The following AGPAT3 variants were observed in gnomAD, a reference collection of about 807,000 sequenced individuals.
AGPAT3 encodes the protein 1-acylglycerol-3-phosphate O-acyltransferase 3, also known as 1-acyl-sn-glycerol-3-phosphate acyltransferase gamma.
A neutral mutation model predicts 47.3 loss-of-function variants in AGPAT3; 5 were observed. That is an observed-to-expected ratio of 0.11 (90% CI 0.06 to 0.22). AGPAT3 has a LOEUF of 0.22. AGPAT3 is among the 10% of genes least tolerant of loss of function. The probability of loss-of-function intolerance (pLI) is 1.00; values close to 1 mark genes in which losing one functional copy is unlikely to be tolerated. For synonymous variants in AGPAT3, 212 were observed against 208.3 expected, an observed-to-expected ratio of 1.02 and a Z score of -0.15; for missense variants, 315 against 493.0, an observed-to-expected ratio of 0.64 and a Z score of 3.42.
intron 2 of AGPAT3, among the ~76,000 whole-genome samples, chr21:43,931,117 C>A (rs956750192): frequency 6.6e-6 from 1 of 152,062 alleles, no homozygotes; most frequent in African/African-American, 2.4e-5. Context: ...TGTCCAGACC[C>A]GGGGTCAGGG....
intron 2 of AGPAT3, among the ~76,000 whole-genome samples, chr21:43,937,416 G>T (rs1431550715): frequency 6.6e-6 from 1 of 152,210 alleles, no homozygotes; most frequent in Non-Finnish European, 1.5e-5. Context: ...CAAGGCCCCT[G>T]ACTATATCTG....
At chr21:43,943,152 G>T (rs2087726175) in intron 2 of AGPAT3, among the ~76,000 whole-genome samples, 1 of 152,126 alleles carries the variant, frequency 6.6e-6, no homozygotes, top group Non-Finnish European at 1.5e-5. Context: ...TCAGCTCACT[G>T]CAAGCTCCGT....
At chr21:43,909,588 A>T (rs2086586015) in intron 2 of AGPAT3, among the ~76,000 whole-genome samples, 1 of 152,102 alleles carries the variant, frequency 6.6e-6, no homozygotes, top group South Asian at 2.1e-4. Context: ...GAGCCACTGT[A>T]CCCGGCCTTT....
chr21:43,938,149 C>T (rs1251068957), intron 2 of AGPAT3, among the ~76,000 whole-genome samples: 2 of 151,894 alleles, frequency 1.3e-5, no homozygotes, highest in Non-Finnish European at 2.9e-5. Context: ...CACTCACACT[C>T]ACTGTTGGGT....
In AGPAT3 at chr21:43,985,784, C is replaced by T. The variant is rs1435902838; in HGVS notation, c.*3392C>T. The T allele has an allele frequency of 6.3e-6, 1 of 158,414 alleles. No homozygotes were observed. Among genetic ancestry groups the T allele is most frequent in the East Asian group, 1.9e-4 (1 of 5,354 alleles). 9.8% of individuals were successfully genotyped at this position (158,414 alleles called of 1,614,324 possible). ...CCATGCGTAGACTCCCGCTGCAGGC[C>T]TCTGGCCTGTGGCTCACTGCATGCA... On this transcript the variant is annotated 3_prime_UTR_variant, in exon 10 of 10. Coordinates refer to ENST00000291572, the MANE Select transcript of AGPAT3 (RefSeq NM_020132.5).
intron 2 of AGPAT3, among the ~76,000 whole-genome samples, chr21:43,913,040 G>A (rs547346542): frequency 6.6e-6 from 1 of 152,304 alleles, no homozygotes; most frequent in African/African-American, 2.4e-5. Flanking sequence ...CTGCTTTACT[G>A]AGTGTTTTTA....
At position 43,908,478 on chromosome 21, in the gene AGPAT3, G is replaced by T; in HGVS notation, c.-49+4459G>T. ...TGACTCGCTCCGTGATTCATAACAA[G>T]GCATTTGCTTTCCTGGGCCTTGGTG... is the stretch of plus-strand genomic sequence containing the variant. On this transcript the variant is annotated intron_variant, in intron 2 of 9. Coordinates refer to ENST00000291572, the MANE Select transcript of AGPAT3 (RefSeq NM_020132.5). The surrounding 1 kb of genome is among the most constrained non-coding windows in gnomAD (Gnocchi z 4.9). Among the ~76,000 whole-genome samples, 1 of 152,226 alleles carries T rather than the reference G, an allele frequency of 6.6e-6. No individual in the cohort carries two copies. The highest frequency in any genetic ancestry group is 1.5e-5 in the Non-Finnish European group (1 of 68,038).
chr21:43,965,860 G>C (rs2089096009), intron 3 of AGPAT3: 1 of 152,098 alleles, frequency 6.6e-6, no homozygotes, highest in Non-Finnish European at 1.5e-5. Context: ...TGATCCTCCT[G>C]TCTCGGCCTC....
At chr21:43,979,727 A>G (rs932614690) in intron 8 of AGPAT3, among the ~76,000 whole-genome samples, 10 of 152,202 alleles carry the variant, frequency 6.6e-5, no homozygotes, top group Non-Finnish European at 2.9e-5. Flanking sequence ...TATACAAACA[A>G]CATAGTTCAA....
rs2086547762 is a variant in AGPAT3, at chr21:43,908,115, A to G, written c.-49+4096A>G. Among the ~76,000 whole-genome samples the G allele has an allele frequency of 6.6e-6, 1 of 152,152 alleles. No homozygotes were observed. Among genetic ancestry groups the G allele is most frequent in the East Asian group, 1.9e-4 (1 of 5,192 alleles). ...ACCTGAATGCTTCAGAGCCTAAATT[A>G]TGTGGGAAAAACGTGTGTGTGTTCC... On this transcript the variant is annotated intron_variant, in intron 2 of 9. Coordinates refer to ENST00000291572, the MANE Select transcript of AGPAT3 (RefSeq NM_020132.5). The surrounding 1 kb of genome is among the most constrained non-coding windows in gnomAD (Gnocchi z 4.9).
Position 43,939,256 on chromosome 21 carries a change from C to G in AGPAT3, c.-48-20378C>G, listed in dbSNP as rs550929280. Reference sequence around the variant, plus strand: ...CGCTCCCTTAGGAACACCCCATCCCCGTCCCCGTGTGCTGTCGAGGGCCTC... The same window carrying G: ...CGCTCCCTTAGGAACACCCCATCCCGGTCCCCGTGTGCTGTCGAGGGCCTC... On this transcript the variant is annotated intron_variant, in intron 2 of 9. Transcript: ENST00000291572. The surrounding 1 kb of genome is among the most constrained non-coding windows in gnomAD (Gnocchi z 4.4). Among the ~76,000 whole-genome samples, 174 of 152,196 alleles carry G rather than the reference C, an allele frequency of 1.1e-3. 1 individual carries two copies. The highest frequency in any genetic ancestry group is 1.9e-3 in the Non-Finnish European group (126 of 67,968).
chr21:43,984,932 C>T lies in AGPAT3; in HGVS notation c.*2540C>T, dbSNP rs2030105326. 2.8e-6 allele frequency: 1 copy of T among 358,680 alleles called. No homozygotes were observed. Among genetic ancestry groups the T allele is most frequent in the Non-Finnish European group, 5.6e-6 (1 of 179,604 alleles). The allele number at this position is 358,680 out of a possible 1,614,324, so 22.2% of individuals were successfully genotyped here. On this transcript the variant is annotated 3_prime_UTR_variant, in exon 10 of 10. Coordinates refer to ENST00000291572, the MANE Select transcript of AGPAT3 (RefSeq NM_020132.5). The stretch of plus-strand genomic sequence containing the variant: ...GGCCACTGTCGGGGTGAGGCACATT[C>T]TAGGCCTGGCATCGCTGATGCCCTC...
At chr21:43,935,602 A>C (rs1375122424) in intron 2 of AGPAT3, among the ~76,000 whole-genome samples, 1 of 152,096 alleles carries the variant, frequency 6.6e-6, no homozygotes, top group Non-Finnish European at 1.5e-5. Flanking sequence ...GGGCCCACAG[A>C]TGCTCACTGC....
intron 2 of AGPAT3, chr21:43,950,861 C>G (rs547830468): frequency 6.6e-6 from 1 of 152,376 alleles, no homozygotes; most frequent in African/African-American, 2.4e-5. Context: ...AATGCAGGGC[C>G]CGAAAGGTCC....
chr21:43,948,012 A>G (rs1221330149), intron 2 of AGPAT3: 2 of 152,260 alleles, frequency 1.3e-5, no homozygotes, highest in East Asian at 1.9e-4. Flanking sequence ...CTTAGAAAAC[A>G]TTGATCAAGC....
intron 1 of AGPAT3, among the ~76,000 whole-genome samples, chr21:43,889,534 A>G (rs970613059): frequency 3.3e-5 from 5 of 152,196 alleles, no homozygotes; most frequent in Admixed American, 6.5e-5. Context: ...ATACAGGCAC[A>G]CCTTGGTGAT....
intron 2 of AGPAT3, among the ~76,000 whole-genome samples, chr21:43,938,676 A>G (rs1011512949): frequency 2.0e-5 from 3 of 152,190 alleles, no homozygotes; most frequent in Non-Finnish European, 2.9e-5. Flanking sequence ...TGCGCCTCAT[A>G]TTGATCTGCC....
In AGPAT3 at chr21:43,948,725, C is replaced by T. The variant is rs555285441; in HGVS notation, c.-48-10909C>T. Among the ~76,000 whole-genome samples the T allele has an allele frequency of 1.9e-4, 29 of 152,210 alleles. No individual in the cohort carries two copies. The South Asian group carries it at 3.5e-3, about 19-fold the overall frequency. On this transcript the variant is annotated intron_variant, in intron 2 of 9. Coordinates refer to ENST00000291572, the MANE Select transcript of AGPAT3 (RefSeq NM_020132.5). ...TAAAAGATTCTCATGAACCTAGCAG[C>T]GGTTTTAATTTTGTATTTTATTTAT... is the stretch of plus-strand genomic sequence containing the variant.
At chr21:43,879,314 C>T (rs1413363135) in intron 1 of AGPAT3, among the ~76,000 whole-genome samples, 1 of 137,754 alleles carries the variant, frequency 7.3e-6, no homozygotes, top group Admixed American at 8.1e-5. Context: ...TGTGCCACTG[C>T]ACTCCAGCCT....
Sources: gnomAD v4.1 joint callset for allele counts (sites outside exome capture counted in the v4.1 genomes callset) on GRCh38, gnomAD v4.1.1 for gene constraint, Gnocchi (gnomAD v3.1) non-coding constraint, MANE v1.5 for transcripts, NCBI Gene and HGNC (gene_info 2026-07-23, HGNC 2026-07-21) for gene names.